CSRP1: variants seen among roughly 807,000 people sequenced by gnomAD.
The protein encoded by CSRP1 is cysteine and glycine-rich protein 1.
Under a neutral mutation model 25.4 loss-of-function variants are expected in CSRP1, and 16 were observed. The observed-to-expected ratio is 0.63, with a 90% confidence interval of 0.43 to 0.96. The LOEUF (loss-of-function observed/expected upper bound fraction) is 0.96, where lower values mean the gene tolerates loss of function less well. Ranked by LOEUF, CSRP1 falls within the 40% of genes least tolerant of loss-of-function variation. The pLI is 0.00. For missense variants in CSRP1, 212 were observed against 243.6 expected, an observed-to-expected ratio of 0.87 and a Z score of 0.86; for synonymous variants, 97 against 95.3, an observed-to-expected ratio of 1.02 and a Z score of -0.10.
intron 1 of CSRP1, among the ~76,000 whole-genome samples, chr1:201,498,748 C>G (rs1664583255): frequency 6.6e-6 from 1 of 152,202 alleles, no homozygotes. Flanking sequence ...GAAGGATGCA[C>G]TAATATCGAA....
chr1:201,501,932 C>G (rs2102415774), intron 1 of CSRP1, among the ~76,000 whole-genome samples: 1 of 152,072 alleles, frequency 6.6e-6, no homozygotes, highest in Non-Finnish European at 1.5e-5. Flanking sequence ...ATGGAGGTTG[C>G]AGTGAGCAGC....
At chr1:201,503,876 A>T (rs968074071) in intron 1 of CSRP1, among the ~76,000 whole-genome samples, 4 of 152,136 alleles carry the variant, frequency 2.6e-5, no homozygotes, top group African/African-American at 7.2e-5. Context: ...CTGAAACTCA[A>T]ACATGCAGAG....
intron 4 of CSRP1, 187 bp downstream of exon 4, chr1:201,488,668 G>T: frequency 1.8e-6 from 1 of 557,396 alleles, no homozygotes; most frequent in Non-Finnish European, 3.1e-6. Flanking sequence ...ACTGCTCATG[G>T]CTGATATGAG....
chr1:201,504,881 C>T (rs892964098), intron 1 of CSRP1, among the ~76,000 whole-genome samples: 2 of 152,062 alleles, frequency 1.3e-5, no homozygotes, highest in African/African-American at 2.4e-5. Context: ...GGTGGATCAC[C>T]TGAGGTCAGG....
Position 201,483,786 on chromosome 1 carries a change from G to C in CSRP1, c.*927C>G. Reference sequence around the variant, plus strand: ...TCTTGGGTTAAAGGGAAGATTCTGAGGTCTCAGGGCAAAGGGAAAGGTGTT... The same window carrying C: ...TCTTGGGTTAAAGGGAAGATTCTGACGTCTCAGGGCAAAGGGAAAGGTGTT... On this transcript the variant is annotated 3_prime_UTR_variant, in exon 6 of 6. Coordinates refer to ENST00000340006, the MANE Select transcript of CSRP1 (RefSeq NM_004078.3). 2.0e-6 allele frequency: 1 copy of C among 492,202 alleles called. No homozygotes were observed. Among genetic ancestry groups the C allele is most frequent in the Non-Finnish European group, 3.7e-6 (1 of 271,094 alleles). 30.5% of individuals were successfully genotyped at this position (492,202 alleles called of 1,614,324 possible).
intron 3 of CSRP1, chr1:201,489,787 T>A (rs185056259): frequency 6.1e-6 from 1 of 164,580 alleles, no homozygotes; most frequent in East Asian, 1.7e-4. Context: ...AGAGGATCAC[T>A]TGAGCCCAAG....
chr1:201,500,527 G>A (rs662436), intron 1 of CSRP1, among the ~76,000 whole-genome samples: 418 of 152,388 alleles, frequency 2.7e-3, no homozygotes, highest in African/African-American at 9.6e-3. Context: ...TAGTTAGGGC[G>A]AGGGTGGGGG....
intron 4 of CSRP1, chr1:201,486,007 C>T (rs1359502032): frequency 6.6e-6 from 1 of 152,288 alleles, no homozygotes; most frequent in Non-Finnish European, 1.5e-5. Context: ...CTGGTGAAGT[C>T]AGTTAGTGTT....
At chr1:201,500,835 T>C (rs1432151675) in intron 1 of CSRP1, among the ~76,000 whole-genome samples, 1 of 152,210 alleles carries the variant, frequency 6.6e-6, no homozygotes, top group Non-Finnish European at 1.5e-5. Context: ...GGAAACCTGT[T>C]TCTCAGAGTT....
chr1:201,485,637 G>A, intron 4 of CSRP1: 1 of 478,070 alleles, frequency 2.1e-6, no homozygotes, highest in Non-Finnish European at 3.8e-6. Flanking sequence ...ACCACAAAAG[G>A]CAGGTGAGGG....
rs1335149090 is a variant in CSRP1 at position 201,484,382 on chromosome 1, G to C, written c.*331C>G. On this transcript the variant is annotated 3_prime_UTR_variant, in exon 6 of 6. Transcript: ENST00000340006. ...GCCAAGATGTGTCCTCAGGTGTCTT[G>C]GTCAGCTGATGATGGACACGCAGCA... is the stretch of plus-strand genomic sequence containing the variant. 4.0e-6 allele frequency: 2 copies of C among 495,704 alleles called. No individual in the cohort carries two copies. The highest frequency in any genetic ancestry group is 3.2e-5 in the Admixed American group (1 of 31,456). The allele number at this position is 495,704 out of a possible 1,614,324, so 30.7% of individuals were successfully genotyped here. A position where few individuals can be genotyped will look rare whatever the true frequency, so the allele number is the denominator to read the frequency against.
chr1:201,484,649 T>G lies in CSRP1; in HGVS notation c.*64A>C. 1.4e-6 allele frequency: 2 copies of G among 1,439,684 alleles called. No individual in the cohort carries two copies. The highest frequency in any genetic ancestry group is 1.9e-6 in the Non-Finnish European group (2 of 1,038,414). 89.2% of individuals were successfully genotyped at this position (1,439,684 alleles called of 1,614,324 possible). ...AAATAATCCTGGAGGTCTCCAAAGC[T>G]GCTGGGAATGGAATGGCGATGAAAA... On this transcript the variant is annotated 3_prime_UTR_variant, in exon 6 of 6. Transcript: ENST00000340006.
At chr1:201,501,785 G>C (rs902865027) in intron 1 of CSRP1, among the ~76,000 whole-genome samples, 3 of 152,066 alleles carry the variant, frequency 2.0e-5, no homozygotes, top group African/African-American at 7.2e-5. Context: ...TTGAGGTCAG[G>C]AGTTCGAGAC....
At chr1:201,488,822 C>T in intron 4 of CSRP1, 33 bp downstream of exon 4, 1 of 1,608,160 alleles carries the variant, frequency 6.2e-7, no homozygotes, top group Non-Finnish European at 8.5e-7. Flanking sequence ...AGATATCTCC[C>T]CCCATCCCTC....
At chr1:201,496,116 T>G (rs1664503782) in intron 2 of CSRP1, 76 bp downstream of exon 2, 2 of 1,130,598 alleles carry the variant, frequency 1.8e-6, no homozygotes, top group African/African-American at 1.5e-5. Context: ...CCTGGGGTGT[T>G]GACAGGCCCA....
chr1:201,490,403 C>T, intron 2 of CSRP1, 59 bp from the exon 3 acceptor site: 1 of 1,554,308 alleles, frequency 6.4e-7, no homozygotes, highest in Non-Finnish European at 8.8e-7. Context: ...CCTTCTTGCT[C>T]ATTGCAAGCT....
At chr1:201,488,799 CCA>C in intron 4 of CSRP1, 54 bp downstream of exon 4, 1 of 1,596,988 alleles carries the variant, frequency 6.3e-7, no homozygotes, top group South Asian at 1.1e-5. Context: ...GTTCTGGAAT[CCA>C]CATTTCAGGA....
intron 1 of CSRP1, among the ~76,000 whole-genome samples, chr1:201,502,951 A>G (rs1664710919): frequency 6.7e-6 from 1 of 149,612 alleles, no homozygotes; most frequent in Non-Finnish European, 1.5e-5. Context: ...CCTGGCCAAC[A>G]GCGTGAAACC....
At chr1:201,494,831 T>C (rs56396882) in intron 2 of CSRP1, among the ~76,000 whole-genome samples, 42,780 of 120,550 alleles carry the variant, frequency 0.35, 6,342 homozygotes, top group East Asian at 0.63. Flanking sequence ...AGTGTGCGTG[T>C]GTGTGTGTGC....
Sources: gnomAD v4.1 joint callset for allele counts (sites outside exome capture counted in the v4.1 genomes callset) on GRCh38, gnomAD v4.1.1 for gene constraint, MANE v1.5 for transcripts, NCBI Gene and HGNC (gene_info 2026-07-23, HGNC 2026-07-21) for gene names.